The following IFNA4 variants were observed in gnomAD, a reference collection of about 807,000 sequenced individuals.
IFNA4 encodes the protein interferon alpha-4.
For missense variants in IFNA4, 225 were observed against 214.9 expected (o/e 1.05, Z -0.29); for synonymous variants, 84 against 86.0 (o/e 0.98, Z 0.13).
In IFNA4 at chr9:21,187,256, G is replaced by A. The variant is rs550398052; in HGVS notation, c.276C>T (p.Ser92=). Residue 92 remains serine (S), a synonymous_variant, in exon 1 of 1, where the codon AGC becomes AGT. Coordinates refer to ENST00000421715, the Ensembl canonical transcript of IFNA4. ...CCCAAGCAGCAGATGAGTCCTCTGTGCTGAAGAGATTGAAGGTCTGCTGGA... is the reference window on the plus strand; with the variant it reads ...CCCAAGCAGCAGATGAGTCCTCTGTACTGAAGAGATTGAAGGTCTGCTGGA... The A allele has an allele frequency of 2.9e-4, 474 of 1,610,802 alleles. 3 individuals carry two copies. In the East Asian group the frequency reaches 9.4e-3, roughly 32 times the overall value.
chr9:21,186,937 G>T (rs768375341), exon 1 of IFNA4: 18 of 1,613,000 alleles, frequency 1.1e-5, no homozygotes, highest in Middle Eastern at 1.8e-4. Flanking sequence ...AGTCAATCAG[G>T]ATCATTTCCA....
At chr9:21,187,001 A>G (rs1817913257) in exon 1 of IFNA4, 4 of 1,614,094 alleles carry the variant, frequency 2.5e-6, no homozygotes, top group Non-Finnish European at 3.4e-6. Flanking sequence ...AGTTTGTTGA[A>G]AACGAGAGGG....
exon 1 of IFNA4, chr9:21,187,509 A>C: frequency 6.2e-7 from 1 of 1,610,846 alleles, no homozygotes; most frequent in Non-Finnish European, 8.5e-7. Context: ...CACGGCCATC[A>C]GTAAAGAAAA....
exon 1 of IFNA4, chr9:21,187,310 A>T: frequency 6.2e-7 from 1 of 1,613,954 alleles, no homozygotes. Flanking sequence ...AGATGGCTTG[A>T]GCCTTCTGGA....
chr9:21,187,495 C>G, exon 1 of IFNA4: 1 of 1,612,232 alleles, frequency 6.2e-7, no homozygotes, highest in Non-Finnish European at 8.5e-7. Flanking sequence ...TAGCTGAGCA[C>G]CAGCACGGCC....
chr9:21,187,385 A>G, exon 1 of IFNA4: 1 of 1,614,168 alleles, frequency 6.2e-7, no homozygotes, highest in East Asian at 2.2e-5. Flanking sequence ...GGCAGGAGAA[A>G]TGAGAGATTC....
chr9:21,186,743 A>G lies in IFNA4; in HGVS notation c.*219T>C, dbSNP rs902228990. On this transcript the variant is annotated 3_prime_UTR_variant, in exon 1 of 1. Transcript: ENST00000421715. ...ATTTAAATTTTAAAAATAAATAAATATTTAAATAAATAGATGAACAGAGAC... is the reference window on the plus strand; with the variant it reads ...ATTTAAATTTTAAAAATAAATAAATGTTTAAATAAATAGATGAACAGAGAC... 1.3e-5 allele frequency: 5 copies of G among 379,084 alleles called. 1 individual carries two copies. Among genetic ancestry groups the G allele is most frequent in the Non-Finnish European group, 2.2e-5 (5 of 223,176 alleles). 23.5% of individuals were successfully genotyped at this position (379,084 alleles called of 1,614,324 possible).
At chr9:21,186,834 T>G in exon 1 of IFNA4, 1 of 1,492,476 alleles carries the variant, frequency 6.7e-7, no homozygotes, top group Non-Finnish European at 9.1e-7. Flanking sequence ...TTCACACTGC[T>G]GAAAACATTT....
chr9:21,186,843 T>C, exon 1 of IFNA4: 1 of 1,528,636 alleles, frequency 6.5e-7, no homozygotes. Flanking sequence ...CTGAAAACAT[T>C]TGAAAATTTT....
exon 1 of IFNA4, chr9:21,187,431 T>C: frequency 5.0e-6 from 8 of 1,614,166 alleles, no homozygotes; most frequent in Non-Finnish European, 5.9e-6. Context: ...GGCCCTCCTA[T>C]TACCCAGGCT....
At chr9:21,187,551 C>G (rs1175962434) in exon 1 of IFNA4, 5 of 1,590,734 alleles carry the variant, frequency 3.1e-6, no homozygotes, top group Non-Finnish European at 2.6e-6. Context: ...GCAAATATTG[C>G]TAGGCTACTT....
At chr9:21,186,986 T>C in exon 1 of IFNA4, 6 of 1,614,116 alleles carry the variant, frequency 3.7e-6, no homozygotes, top group Non-Finnish European at 5.1e-6. Flanking sequence ...TTAATCTTTT[T>C]TGCAAGTTTG....
chr9:21,186,901 C>G, exon 1 of IFNA4: 1 of 1,596,862 alleles, frequency 6.3e-7, no homozygotes, highest in Non-Finnish European at 8.5e-7. Flanking sequence ...AATGGAAGAA[C>G]TCATGAAAGT....
chr9:21,187,512 A>G (rs1221563665), exon 1 of IFNA4: 1 of 1,610,706 alleles, frequency 6.2e-7, no homozygotes, highest in Middle Eastern at 1.7e-4. Flanking sequence ...GGCCATCAGT[A>G]AAGAAAAGGA....
exon 1 of IFNA4, chr9:21,187,295 G>C: frequency 6.2e-7 from 1 of 1,613,780 alleles, no homozygotes; most frequent in African/African-American, 1.3e-5. Context: ...TCTCATGGAG[G>C]ACAGAGATGG....
chr9:21,187,346 G>T (rs146775591), exon 1 of IFNA4: 252 of 1,613,288 alleles, frequency 1.6e-4, no homozygotes, highest in Non-Finnish European at 2.0e-4. Flanking sequence ...ACTCCTCCTC[G>T]GGGAATCCGA....
At chr9:21,186,870 G>T (rs1321331059) in exon 1 of IFNA4, 3 of 1,575,076 alleles carry the variant, frequency 1.9e-6, no homozygotes, top group East Asian at 2.2e-5. Context: ...ACTCGTGGTG[G>T]TTATAGAAGT....
exon 1 of IFNA4, chr9:21,186,769 A>G (rs1419186127): frequency 5.2e-6 from 3 of 580,462 alleles, no homozygotes; most frequent in African/African-American, 1.9e-5. Flanking sequence ...GAACAGAGAC[A>G]TCAGCATTGT....
At chr9:21,187,576 T>C (rs996611317) in exon 1 of IFNA4, 1 of 1,556,042 alleles carries the variant, frequency 6.4e-7, no homozygotes, top group African/African-American at 1.4e-5. Flanking sequence ...TGGATAACCT[T>C]GAACTTCGGC....
Sources: gnomAD v4.1 joint callset for allele counts on GRCh38, gnomAD v4.1.1 for gene constraint, MANE v1.5 for transcripts, NCBI Gene and HGNC (gene_info 2026-07-23, HGNC 2026-07-21) for gene names.